Variants in RAB9A observed in about 807,000 individuals in gnomAD.
RAB9A encodes the protein ras-related protein Rab-9A.
Under a neutral mutation model 10.3 loss-of-function variants are expected in RAB9A, and 1 was observed. That is an observed-to-expected ratio of 0.10 (90% CI 0.03 to 0.46). RAB9A has a LOEUF of 0.46. Among genes scored for constraint, RAB9A ranks in the 20% least tolerant of loss-of-function variants. The probability of loss-of-function intolerance (pLI) is 0.96; values close to 1 mark genes in which losing one functional copy is unlikely to be tolerated. For missense variants in RAB9A, 92 were observed against 150.3 expected (o/e 0.61, Z 2.03); for synonymous variants, 39 against 55.2 (o/e 0.71, Z 1.30).
At chrX:13,708,490 C>T (rs903028887) in intron 2 of RAB9A, among the ~76,000 whole-genome samples, 4 of 111,205 alleles carry the variant, frequency 3.6e-5, no homozygotes, top group Non-Finnish European at 5.7e-5. Context: ...GCCAGCTTCA[C>T]AGTCAACTGT....
rs1290374420 is a variant in RAB9A at position 13,708,739 on chromosome X, G to A, written c.-8G>A. 8.5e-7 allele frequency: 1 copy of A among 1,177,363 alleles called. No individual in the cohort carries two copies. Reference sequence around the variant, plus strand: ...TTTACAGGGTTCTTGAAGCTTTTGAGATTAACAATGGCAGGAAAATCATCA... The same window carrying A: ...TTTACAGGGTTCTTGAAGCTTTTGAAATTAACAATGGCAGGAAAATCATCA... On this transcript the variant is annotated 5_prime_UTR_variant, in exon 3 of 3. Coordinates refer to ENST00000464506, the MANE Select transcript of RAB9A (RefSeq NM_004251.5).
chrX:13,698,964 CAA>C (rs5901513), intron 1 of RAB9A, among the ~76,000 whole-genome samples: 76 of 93,486 alleles, frequency 8.1e-4, no homozygotes, highest in South Asian at 3.1e-3. Context: ...TGAATTTGAC[CAA>C]AAAAAAAAAA....
intron 1 of RAB9A, among the ~76,000 whole-genome samples, chrX:13,696,898 C>G (rs1230882102): frequency 8.9e-6 from 1 of 111,931 alleles, no homozygotes; most frequent in Non-Finnish European, 1.9e-5. Context: ...GACAAAGTGA[C>G]AGTTACATTG....
chrX:13,698,410 A>G (rs1211554141), intron 1 of RAB9A, among the ~76,000 whole-genome samples: 1 of 110,470 alleles, frequency 9.1e-6, no homozygotes, highest in African/African-American at 3.3e-5. Flanking sequence ...TAGCGATAGT[A>G]TGGTTTGATA....
intron 1 of RAB9A, among the ~76,000 whole-genome samples, chrX:13,701,436 C>G (rs1476759773): frequency 1.8e-5 from 2 of 111,426 alleles, no homozygotes; most frequent in African/African-American, 6.5e-5. Flanking sequence ...TGGACATTGT[C>G]TTTCTTTTTA....
chrX:13,706,059 C>A (rs755827758), intron 2 of RAB9A, among the ~76,000 whole-genome samples: 6 of 111,723 alleles, frequency 5.4e-5, no homozygotes, highest in African/African-American at 2.0e-4. Flanking sequence ...GGAAACAACC[C>A]GCTGAAGAAT....
At position 13,709,389 on chromosome X, in the gene RAB9A, A is replaced by G; in HGVS notation, c.*37A>G. 8.7e-7 allele frequency: 1 copy of G among 1,155,534 alleles called. No individual in the cohort carries two copies. ...TTGATGCATTCTAACCAACTCACACATATACACAAAATCAACATGGGGATG... is the reference window on the plus strand; with the variant it reads ...TTGATGCATTCTAACCAACTCACACGTATACACAAAATCAACATGGGGATG... On this transcript the variant is annotated 3_prime_UTR_variant, in exon 3 of 3. Coordinates refer to ENST00000464506, the MANE Select transcript of RAB9A (RefSeq NM_004251.5).
intron 1 of RAB9A, among the ~76,000 whole-genome samples, chrX:13,698,964 C>CAA (rs5901513): frequency 2.7e-3 from 249 of 93,574 alleles, no homozygotes; most frequent in East Asian, 4.3e-3. Flanking sequence ...TGAATTTGAC[C>CAA]AAAAAAAAAA....
intron 1 of RAB9A, among the ~76,000 whole-genome samples, chrX:13,700,260 A>C (rs2046167204): frequency 8.9e-6 from 1 of 111,748 alleles, no homozygotes; most frequent in African/African-American, 3.3e-5. Flanking sequence ...AGCAGATTTA[A>C]ATTCTTGATG....
chrX:13,690,754 C>T (rs190863543), intron 1 of RAB9A, among the ~76,000 whole-genome samples: 173 of 111,697 alleles, frequency 1.5e-3, no homozygotes, highest in African/African-American at 5.4e-3. Flanking sequence ...GCGAATATTC[C>T]GTACGTGTAA....
chrX:13,691,427 C>T (rs915000390), intron 1 of RAB9A, among the ~76,000 whole-genome samples: 1 of 110,864 alleles, frequency 9.0e-6, no homozygotes, highest in South Asian at 3.8e-4. Flanking sequence ...TTTGGGAGGC[C>T]GAGGTGGGCG....
In RAB9A at chrX:13,709,579, C is replaced by A; in HGVS notation, c.*227C>A. The A allele has an allele frequency of 3.8e-6, 1 of 262,724 alleles. No individual in the cohort carries two copies. 21.7% of individuals were successfully genotyped at this position (262,724 alleles called of 1,213,427 possible). ...ATAAATTGTAACAGTTGTCTAATAA[C>A]GTTTCTTTAATTTAAATATGTAAGT... On this transcript the variant is annotated 3_prime_UTR_variant, in exon 3 of 3. Transcript: ENST00000464506.
At chrX:13,693,595 T>C (rs2046135513) in intron 1 of RAB9A, among the ~76,000 whole-genome samples, 1 of 112,168 alleles carries the variant, frequency 8.9e-6, no homozygotes, top group African/African-American at 3.2e-5. Context: ...CTGTGCATGT[T>C]GTGAAGCTGT....
intron 2 of RAB9A, among the ~76,000 whole-genome samples, chrX:13,704,328 A>G (rs1313750106): frequency 8.9e-6 from 1 of 112,138 alleles, no homozygotes; most frequent in African/African-American, 3.2e-5. Context: ...AAACTTTTTG[A>G]AAAATGCAAT....
chrX:13,696,613 C>T (rs772113565), intron 1 of RAB9A, among the ~76,000 whole-genome samples: 14 of 111,725 alleles, frequency 1.3e-4, no homozygotes, highest in Non-Finnish European at 2.6e-4. Context: ...CTGTATTCAC[C>T]TTAGGGTTGT....
rs528353727 is a variant in RAB9A, at chrX:13,707,124, T to A, written c.-26-1597T>A. ...ATTTAAAATTGAATAAAATTTAAAA[T>A]GCGGTTTTTCACTTCCATCAGCCTC... On this transcript the variant is annotated intron_variant, in intron 2 of 2. Transcript: ENST00000464506. 6.4e-4 allele frequency among the ~76,000 whole-genome samples: 72 copies of A among 112,547 alleles called. No homozygotes were observed. The South Asian group carries it at 0.024, about 38-fold the overall frequency.
intron 1 of RAB9A, among the ~76,000 whole-genome samples, chrX:13,699,365 C>T (rs1293123947): frequency 8.9e-6 from 1 of 112,240 alleles, no homozygotes; most frequent in Non-Finnish European, 1.9e-5. Flanking sequence ...GTAATATACT[C>T]TTCGTTCTCA....
intron 1 of RAB9A, among the ~76,000 whole-genome samples, chrX:13,693,806 G>C (rs2046136312): frequency 9.0e-6 from 1 of 111,186 alleles, no homozygotes; most frequent in South Asian, 3.8e-4. Context: ...ATGGAGAAGT[G>C]AAACAGGCTG....
At chrX:13,692,063 G>C (rs990264138) in intron 1 of RAB9A, among the ~76,000 whole-genome samples, 5 of 110,244 alleles carry the variant, frequency 4.5e-5, no homozygotes, top group African/African-American at 9.9e-5. Flanking sequence ...AGCGCTTTGG[G>C]AGACCCACAC....
Sources: gnomAD v4.1 joint callset for allele counts (sites outside exome capture counted in the v4.1 genomes callset) on GRCh38, gnomAD v4.1.1 for gene constraint, MANE v1.5 for transcripts, NCBI Gene and HGNC (gene_info 2026-07-23, HGNC 2026-07-21) for gene names.